Variants in KIAA1217 observed in about 807,000 individuals in gnomAD.
The protein encoded by KIAA1217 is sickle tail protein homolog.
A neutral mutation model predicts 163.9 loss-of-function variants in KIAA1217; 88 were observed. That is an observed-to-expected ratio of 0.54 (90% CI 0.45 to 0.64). The LOEUF (loss-of-function observed/expected upper bound fraction) is 0.64. Ranked by LOEUF, KIAA1217 falls within the 30% of genes least tolerant of loss-of-function variation. The pLI, the probability that KIAA1217 is intolerant of heterozygous loss-of-function variation, is 0.00. For missense variants in KIAA1217, 2,372 were observed against 2,475.0 expected (o/e 0.96, Z 0.88); for synonymous variants, 903 against 923.1 (o/e 0.98, Z 0.39).
chr10:24,122,161 T>C (rs1319284253), intron 2 of KIAA1217, among the ~76,000 whole-genome samples: 1 of 152,048 alleles, frequency 6.6e-6, no homozygotes, highest in Admixed American at 6.6e-5. Context: ...CCCCACCCTT[T>C]TGGAGTCCTT....
intron 1 of KIAA1217, among the ~76,000 whole-genome samples, chr10:23,846,944 AG>A (rs1459337082): frequency 2.6e-5 from 4 of 152,226 alleles, no homozygotes; most frequent in East Asian, 1.9e-4. Context: ...TTTAGCATGA[AG>A]GGATGTTGAA....
At position 24,333,359 on chromosome 10, in the gene KIAA1217, G is replaced by T. The variant is rs144578748; in HGVS notation, c.355-47510G>T. Among the ~76,000 whole-genome samples the T allele has an allele frequency of 9.8e-3, 1,495 of 152,200 alleles. 30 individuals are homozygous for T. The highest frequency in any genetic ancestry group is 0.053 in the South Asian group (254 of 4,810). ...ATGGGTAAGGATTATGATGATGAAT[G>T]GTTGCCTAGAAGGCCTACATGCTGA... On this transcript the variant is annotated intron_variant, in intron 2 of 20. Transcript: ENST00000376454.
chr10:23,905,052 TTTCTC>T (rs1842097511), intron 1 of KIAA1217, among the ~76,000 whole-genome samples: 1 of 149,096 alleles, frequency 6.7e-6, no homozygotes, highest in South Asian at 2.1e-4. Context: ...GGATTCTTCT[TTTCTC>T]TTTTCCTTTT....
intron 2 of KIAA1217, among the ~76,000 whole-genome samples, chr10:24,058,128 C>A (rs533545083): frequency 3.4e-4 from 52 of 152,092 alleles, no homozygotes; most frequent in Non-Finnish European, 5.9e-4. Context: ...TCTAATTTTG[C>A]CAACACCATT....
intron 2 of KIAA1217, among the ~76,000 whole-genome samples, chr10:24,071,990 C>T (rs1393671785): frequency 6.6e-6 from 1 of 152,038 alleles, no homozygotes; most frequent in Non-Finnish European, 1.5e-5. Flanking sequence ...TTTTTTATGA[C>T]TGTTACAGAA....
intron 1 of KIAA1217, among the ~76,000 whole-genome samples, chr10:23,943,635 AT>A (rs1163789615): frequency 2.0e-5 from 3 of 152,232 alleles, no homozygotes; most frequent in Non-Finnish European, 2.9e-5. Flanking sequence ...TTATTCTAAA[AT>A]TTATATTGAG....
rs60467679 is a variant in KIAA1217, at chr10:24,003,981, T to C, written c.-320-3244T>C. Among the ~76,000 whole-genome samples the C allele has an allele frequency of 2.4e-3, 365 of 152,212 alleles. 4 individuals are homozygous for C. Among genetic ancestry groups the C allele is most frequent in the African/African-American group, 8.6e-3 (355 of 41,518 alleles). ...AGACCTTTTTTTATTTTATTTTATT[T>C]TATTTATTTGCTTTTTGAGTAGGAG... On this transcript the variant is annotated intron_variant, in intron 1 of 18. Transcript: ENST00000376462.
intron 1 of KIAA1217, among the ~76,000 whole-genome samples, chr10:23,746,009 C>T (rs549924725): frequency 6.6e-6 from 1 of 152,176 alleles, no homozygotes; most frequent in Admixed American, 6.5e-5. Flanking sequence ...ATGTTCCCTG[C>T]CCTCCAGTAA....
chr10:24,106,158 G>A (rs1425802898), intron 2 of KIAA1217, among the ~76,000 whole-genome samples: 1 of 152,110 alleles, frequency 6.6e-6, no homozygotes, highest in Non-Finnish European at 1.5e-5. Flanking sequence ...AGGGTGGCAG[G>A]GGCAGTTAGT....
At chr10:24,218,111 A>C (rs2069077823) in intron 1 of KIAA1217, among the ~76,000 whole-genome samples, 1 of 152,234 alleles carries the variant, frequency 6.6e-6, no homozygotes, top group African/African-American at 2.4e-5. Flanking sequence ...GACTTCATGA[A>C]GAGAGCCTGT....
chr10:23,757,247 T>C (rs1833966035), intron 1 of KIAA1217, among the ~76,000 whole-genome samples: 1 of 152,182 alleles, frequency 6.6e-6, no homozygotes, highest in Non-Finnish European at 1.5e-5. Flanking sequence ...AGTAGGAAAA[T>C]TGCTGGATCA....
At chr10:23,935,170 G>A (rs749252447) in intron 1 of KIAA1217, among the ~76,000 whole-genome samples, 1 of 152,142 alleles carries the variant, frequency 6.6e-6, no homozygotes, top group Non-Finnish European at 1.5e-5. Flanking sequence ...TGATTGAAAA[G>A]CCTAGGAAAG....
intron 2 of KIAA1217, among the ~76,000 whole-genome samples, chr10:24,328,850 A>G (rs1022245582): frequency 6.6e-6 from 1 of 151,992 alleles, no homozygotes; most frequent in Non-Finnish European, 1.5e-5. Flanking sequence ...TGAATTTGCA[A>G]CACATGATAT....
chr10:23,794,624 G>A (rs1836112024), intron 1 of KIAA1217, among the ~76,000 whole-genome samples: 1 of 152,170 alleles, frequency 6.6e-6, no homozygotes, highest in South Asian at 2.1e-4. Context: ...CATCCTGTCA[G>A]ATTTCAGAAC....
intron 2 of KIAA1217, among the ~76,000 whole-genome samples, chr10:24,321,725 G>A (rs983194272): frequency 1.3e-5 from 2 of 152,150 alleles, no homozygotes; most frequent in Non-Finnish European, 1.5e-5. Flanking sequence ...GTCGAATTCA[G>A]AGACAGAAAG....
At chr10:24,217,657 A>T (rs1252132538) in intron 1 of KIAA1217, among the ~76,000 whole-genome samples, 2 of 151,670 alleles carry the variant, frequency 1.3e-5, no homozygotes, top group African/African-American at 4.8e-5. Flanking sequence ...CATTGCTTTC[A>T]GGAAACTGGT....
chr10:24,378,176 A>G (rs138776322), intron 2 of KIAA1217, among the ~76,000 whole-genome samples: 1 of 152,318 alleles, frequency 6.6e-6, no homozygotes, highest in African/African-American at 2.4e-5. Flanking sequence ...GACATTGACT[A>G]ATAGATCCTC....
chr10:24,540,492 A>G (rs1374774571), intron 17 of KIAA1217, among the ~76,000 whole-genome samples: 2 of 152,152 alleles, frequency 1.3e-5, no homozygotes, highest in Admixed American at 6.5e-5. Flanking sequence ...TCCACCTCCC[A>G]AAGTGCTGGG....
chr10:24,482,149 C>T (rs975605415), intron 6 of KIAA1217: 1 of 152,192 alleles, frequency 6.6e-6, no homozygotes, highest in African/African-American at 2.4e-5. Flanking sequence ...ACCAGGGATA[C>T]TCTGTCAGAA....
Sources: allele counts gnomAD v4.1 joint callset (sites outside exome capture counted in the v4.1 genomes callset), GRCh38; gene constraint gnomAD v4.1.1; transcripts MANE v1.5; gene names NCBI Gene and HGNC (gene_info 2026-07-23, HGNC 2026-07-21).